Variants in SND1 observed in about 807,000 individuals in gnomAD.
The protein encoded by SND1 is staphylococcal nuclease domain-containing protein 1.
Under a neutral mutation model 121.7 loss-of-function variants are expected in SND1, and 38 were observed. The ratio of observed to expected loss-of-function variants is 0.31; its 90% CI spans 0.24 to 0.41. The LOEUF (loss-of-function observed/expected upper bound fraction) is 0.41. Ranked by LOEUF, SND1 falls within the 10% of genes least tolerant of loss-of-function variation. The pLI is 1.00. For missense variants in SND1, 868 were observed against 1,184.6 expected (o/e 0.73, Z 3.92); for synonymous variants, 401 against 447.4 (o/e 0.90, Z 1.31).
At chr7:127,802,255 G>A (rs886755098) in intron 10 of SND1, among the ~76,000 whole-genome samples, 1 of 152,186 alleles carries the variant, frequency 6.6e-6, no homozygotes. Context: ...AGAAAATCCA[G>A]ATGTAAGTGG....
chr7:127,856,842 C>CT (rs776431415), intron 12 of SND1, among the ~76,000 whole-genome samples: 4 of 151,990 alleles, frequency 2.6e-5, no homozygotes, highest in Admixed American at 6.6e-5. Context: ...ATCACCTTTT[C>CT]TTTTTTTTAC....
chr7:127,748,308 T>G (rs1330488127), intron 10 of SND1, among the ~76,000 whole-genome samples: 4 of 152,200 alleles, frequency 2.6e-5, no homozygotes, highest in Non-Finnish European at 5.9e-5. Flanking sequence ...TTTCACTTTT[T>G]CCTAGGATGC....
intron 20 of SND1, 116 bp from the exon 21 acceptor site, chr7:128,086,822 A>G: frequency 7.3e-6 from 6 of 824,234 alleles, no homozygotes; most frequent in South Asian, 7.1e-5. Flanking sequence ...AAGTCATGGG[A>G]TGAACAGGGT....
At chr7:127,690,861 GT>G (rs1190555521) in intron 2 of SND1, among the ~76,000 whole-genome samples, 1 of 152,146 alleles carries the variant, frequency 6.6e-6, no homozygotes, top group Non-Finnish European at 1.5e-5. Flanking sequence ...TTGTATCACT[GT>G]CCCAAATATC....
intron 10 of SND1, among the ~76,000 whole-genome samples, chr7:127,750,153 A>G (rs1318099388): frequency 6.6e-6 from 1 of 152,242 alleles, no homozygotes; most frequent in Non-Finnish European, 1.5e-5. Context: ...AACCTAAACA[A>G]AGTTTTGTAC....
intron 15 of SND1, among the ~76,000 whole-genome samples, chr7:127,954,322 C>A (rs977758185): frequency 1.3e-5 from 2 of 152,158 alleles, no homozygotes; most frequent in Non-Finnish European, 2.9e-5. Flanking sequence ...TTTACTCCCC[C>A]CAAAATGCAG....
intron 16 of SND1, chr7:128,027,502 A>T (rs1803511118): frequency 6.6e-6 from 1 of 151,906 alleles, no homozygotes; most frequent in African/African-American, 2.4e-5. Flanking sequence ...TTTCTTTGCT[A>T]CTCATGTTCT....
intron 15 of SND1, among the ~76,000 whole-genome samples, chr7:127,959,568 T>C (rs1472786568): frequency 6.6e-6 from 1 of 152,172 alleles, no homozygotes; most frequent in Non-Finnish European, 1.5e-5. Context: ...TATCCTTAGG[T>C]TCAGTCCTTC....
intron 10 of SND1, among the ~76,000 whole-genome samples, chr7:127,798,356 C>T (rs557522987): frequency 9.2e-5 from 14 of 152,146 alleles, no homozygotes; most frequent in Non-Finnish European, 1.5e-4. Flanking sequence ...GGGGCTTGGG[C>T]AGGAAAGGAG....
chr7:127,869,178 G>C (rs1302491142), intron 12 of SND1, among the ~76,000 whole-genome samples: 1 of 152,156 alleles, frequency 6.6e-6, no homozygotes, highest in Non-Finnish European at 1.5e-5. Context: ...GCAAGGACCT[G>C]AAGGATGGCA....
intron 16 of SND1, chr7:128,030,147 T>G (rs781707527): frequency 2.0e-5 from 32 of 1,613,980 alleles, no homozygotes; most frequent in Non-Finnish European, 2.5e-5. Context: ...GTTGAAGGCG[T>G]AAGAGGGGAT....
intron 10 of SND1, among the ~76,000 whole-genome samples, chr7:127,795,458 A>G (rs1455269194): frequency 3.9e-5 from 6 of 152,180 alleles, no homozygotes; most frequent in Non-Finnish European, 7.3e-5. Flanking sequence ...GTTTACTATC[A>G]TATTTATTTT....
intron 10 of SND1, among the ~76,000 whole-genome samples, chr7:127,749,042 C>CTT (rs1491284090): frequency 2.1e-4 from 24 of 114,598 alleles, no homozygotes; most frequent in Non-Finnish European, 3.8e-4. Flanking sequence ...TTTTTTCTTT[C>CTT]GTTTTTTTTT....
chr7:127,851,648 A>G (rs1799166530), intron 12 of SND1, among the ~76,000 whole-genome samples: 1 of 152,230 alleles, frequency 6.6e-6, no homozygotes. Flanking sequence ...TGTGTTAGGC[A>G]TCATGAATAT....
At chr7:128,072,200 T>C (rs1172270223) in intron 16 of SND1, among the ~76,000 whole-genome samples, 1 of 152,182 alleles carries the variant, frequency 6.6e-6, no homozygotes, top group Non-Finnish European at 1.5e-5. Flanking sequence ...GCGTGCCTGG[T>C]TGGTTGCCTC....
intron 12 of SND1, among the ~76,000 whole-genome samples, chr7:127,863,054 A>G (rs1271631038): frequency 1.3e-5 from 2 of 152,146 alleles, no homozygotes; most frequent in South Asian, 4.1e-4. Flanking sequence ...CACCTCCCTC[A>G]TTTTGCAAAC....
At chr7:128,067,294 C>A (rs764776559) in intron 16 of SND1, among the ~76,000 whole-genome samples, 2 of 152,194 alleles carry the variant, frequency 1.3e-5, no homozygotes, top group Non-Finnish European at 2.9e-5. Context: ...TGCTCCTCAG[C>A]TCCTTCTTCC....
At chr7:128,036,362 C>G (rs1584754722) in intron 16 of SND1, among the ~76,000 whole-genome samples, 1 of 152,218 alleles carries the variant, frequency 6.6e-6, no homozygotes, top group South Asian at 2.1e-4. Flanking sequence ...TGTGCCATTA[C>G]TACCCACAGT....
At chr7:127,824,004 G>A (rs114879392) in intron 11 of SND1, among the ~76,000 whole-genome samples, 194 of 152,240 alleles carry the variant, frequency 1.3e-3, no homozygotes, top group African/African-American at 4.4e-3. Flanking sequence ...AAGGATTTGC[G>A]CTGGTATTAA....
Sources: allele counts gnomAD v4.1 joint callset (sites outside exome capture counted in the v4.1 genomes callset), GRCh38; gene constraint gnomAD v4.1.1; transcripts MANE v1.5; gene names NCBI Gene and HGNC (gene_info 2026-07-23, HGNC 2026-07-21).